MAP3K20: variants seen among roughly 807,000 people sequenced by gnomAD.
The protein encoded by MAP3K20 is mitogen-activated protein kinase kinase kinase 20, also known as HCCS-4.
A neutral mutation model predicts 85.7 loss-of-function variants in MAP3K20; 40 were observed. The observed-to-expected ratio is 0.47, with a 90% CI of 0.36 to 0.61. The LOEUF is 0.61. MAP3K20 is among the 20% of genes least tolerant of loss of function. The pLI, the probability that MAP3K20 is intolerant of heterozygous loss-of-function variation, is 0.00. For synonymous variants in MAP3K20, 325 were observed against 327.7 expected (o/e 0.99, Z 0.09); for missense variants, 817 against 961.7 (o/e 0.85, Z 1.99).
intron 1 of MAP3K20, among the ~76,000 whole-genome samples, chr2:173,086,996 A>T (rs1026778004): frequency 6.6e-6 from 1 of 152,218 alleles, no homozygotes; most frequent in African/African-American, 2.4e-5. Flanking sequence ...AAAATTACAC[A>T]CCTTAAGTTT....
chr2:173,086,460 T>G (rs1300914092), intron 1 of MAP3K20, among the ~76,000 whole-genome samples: 1 of 152,252 alleles, frequency 6.6e-6, no homozygotes, highest in African/African-American at 2.4e-5. Context: ...CCAAGCTCAC[T>G]GGAGTTAAAC....
chr2:173,168,910 T>C (rs1296484966), intron 2 of MAP3K20, among the ~76,000 whole-genome samples: 1 of 152,146 alleles, frequency 6.6e-6, no homozygotes, highest in East Asian at 1.9e-4. Context: ...ATACAACTTA[T>C]TTTTACCATG....
intron 16 of MAP3K20, among the ~76,000 whole-genome samples, chr2:173,252,084 C>A (rs73974114): frequency 0.22 from 33,401 of 152,078 alleles, 5,074 homozygotes; most frequent in East Asian, 0.58. Flanking sequence ...CTCTTTGGAA[C>A]ATTTACCTCT....
chr2:173,227,279 A>T (rs1684415040), intron 11 of MAP3K20: 1 of 400,184 alleles, frequency 2.5e-6, no homozygotes, highest in African/African-American at 2.2e-5. Context: ...GGGAGTGTAA[A>T]TAATAAATTT....
intron 19 of MAP3K20, among the ~76,000 whole-genome samples, chr2:173,264,401 G>T (rs573161073): frequency 6.6e-6 from 1 of 151,946 alleles, no homozygotes; most frequent in East Asian, 1.9e-4. Context: ...CTTTGCCCTC[G>T]GCTCCTCTCC....
chr2:173,217,852 C>A (rs947067142), intron 11 of MAP3K20, among the ~76,000 whole-genome samples: 6 of 152,128 alleles, frequency 3.9e-5, no homozygotes, highest in Non-Finnish European at 8.8e-5. Flanking sequence ...TCTCCCAAGT[C>A]TTGTATTTAG....
chr2:173,183,663 G>A (rs1690398168), intron 4 of MAP3K20, among the ~76,000 whole-genome samples: 1 of 151,020 alleles, frequency 6.6e-6, no homozygotes, highest in Non-Finnish European at 1.5e-5. Flanking sequence ...GAGTTGCTTT[G>A]GAAACAACTT....
At chr2:173,119,116 T>C (rs1273846213) in intron 2 of MAP3K20, among the ~76,000 whole-genome samples, 1 of 152,214 alleles carries the variant, frequency 6.6e-6, no homozygotes, top group Non-Finnish European at 1.5e-5. Flanking sequence ...AGCTGCTACC[T>C]CTAGCACTGA....
At chr2:173,110,392 T>C (rs1559235391) in intron 2 of MAP3K20, among the ~76,000 whole-genome samples, 2 of 150,220 alleles carry the variant, frequency 1.3e-5, no homozygotes, top group South Asian at 4.2e-4. Flanking sequence ...TAGCTGGGAC[T>C]ATAGGCACAT....
chr2:173,200,221 A>T (rs1691002539), intron 8 of MAP3K20, among the ~76,000 whole-genome samples: 1 of 152,220 alleles, frequency 6.6e-6, no homozygotes, highest in Non-Finnish European at 1.5e-5. Flanking sequence ...GTTTCAATGT[A>T]AGTTTCAACA....
chr2:173,195,842 A>G (rs1444092094), intron 7 of MAP3K20, among the ~76,000 whole-genome samples: 1 of 152,204 alleles, frequency 6.6e-6, no homozygotes, highest in Non-Finnish European at 1.5e-5. Context: ...CCTCAGCTGT[A>G]GTAGCTCTTC....
intron 2 of MAP3K20, among the ~76,000 whole-genome samples, chr2:173,150,805 G>T (rs186429413): frequency 1.3e-5 from 2 of 152,170 alleles, no homozygotes; most frequent in South Asian, 2.1e-4. Context: ...CTTGTGATCC[G>T]CCCGCCTTGA....
chr2:173,248,631 A>G (rs963053127), intron 16 of MAP3K20, among the ~76,000 whole-genome samples: 12 of 152,230 alleles, frequency 7.9e-5, no homozygotes, highest in African/African-American at 2.2e-4. Flanking sequence ...ACAGTCCTGC[A>G]TACAAGCTAG....
At chr2:173,206,437 A>G (rs930470379) in intron 9 of MAP3K20, among the ~76,000 whole-genome samples, 2 of 152,160 alleles carry the variant, frequency 1.3e-5, no homozygotes, top group African/African-American at 2.4e-5. Flanking sequence ...TTAAACAGTG[A>G]CATGTCCCCT....
At chr2:173,197,943 TTACATGTTAGA>T (rs1169815544) in intron 7 of MAP3K20, 72 bp from the exon 8 acceptor site, 1 of 1,245,398 alleles carries the variant, frequency 8.0e-7, no homozygotes, top group Non-Finnish European at 1.1e-6. Context: ...TTAGATACAA[TTACATGTTAGA>T]TAAGGTCTCA....
At chr2:173,258,631 G>T in intron 16 of MAP3K20, 68 bp from the exon 17 acceptor site, 1 of 843,236 alleles carries the variant, frequency 1.2e-6, no homozygotes, top group Admixed American at 2.2e-5. Flanking sequence ...TATGTGTTAG[G>T]AAATATTGAG....
At chr2:173,221,740 T>C (rs1424910497) in intron 11 of MAP3K20, 4 of 1,266,102 alleles carry the variant, frequency 3.2e-6, no homozygotes, top group Non-Finnish European at 4.0e-6. Flanking sequence ...AAGAAGTATA[T>C]TTATGAATCA....
chr2:173,077,793 A>G (rs1686908094), intron 1 of MAP3K20, among the ~76,000 whole-genome samples: 1 of 152,094 alleles, frequency 6.6e-6, no homozygotes, highest in African/African-American at 2.4e-5. Context: ...TAAAGAGAGA[A>G]AAAAAAATCC....
chr2:173,168,818 T>G (rs1169251045), intron 2 of MAP3K20, among the ~76,000 whole-genome samples: 1 of 152,226 alleles, frequency 6.6e-6, no homozygotes, highest in Admixed American at 6.5e-5. Context: ...ATAAGATTTA[T>G]GTAGAGATCA....
Sources: allele counts gnomAD v4.1 joint callset (sites outside exome capture counted in the v4.1 genomes callset), GRCh38; gene constraint gnomAD v4.1.1; transcripts MANE v1.5; gene names NCBI Gene and HGNC (gene_info 2026-07-23, HGNC 2026-07-21).